APIP: variants seen among roughly 807,000 people sequenced by gnomAD.
APIP encodes the protein APAF1 interacting protein, also known as methylthioribulose-1-phosphate dehydratase.
In APIP, 32 loss-of-function variants were observed where a neutral mutation model predicts 32.0. The ratio of observed to expected loss-of-function variants is 1.00; its 90% CI spans 0.76 to 1.34. The LOEUF is 1.34. Among genes scored for constraint, APIP ranks in the 40% most tolerant of loss-of-function variants. APIP has a pLI of 0.00. For missense variants in APIP, 247 were observed against 298.6 expected (o/e 0.83, Z 1.27); for synonymous variants, 92 against 94.8 (o/e 0.97, Z 0.17).
chr11:34,900,359 C>G (rs1309331079), intron 1 of APIP, among the ~76,000 whole-genome samples: 1 of 151,496 alleles, frequency 6.6e-6, no homozygotes, highest in Non-Finnish European at 1.5e-5. Flanking sequence ...TCTAGCTCCA[C>G]CATTTCCAGT....
intron 5 of APIP, among the ~76,000 whole-genome samples, chr11:34,886,117 G>A (rs983600855): frequency 7.2e-5 from 11 of 151,956 alleles, no homozygotes; most frequent in South Asian, 2.1e-4. Context: ...AAGCAGCCTC[G>A]GGCAGGTCCT....
chr11:34,895,122 G>C lies in APIP; in HGVS notation c.58-12C>G, dbSNP rs763298096. On this transcript the variant is annotated splice_polypyrimidine_tract_variant and intron_variant, in intron 1 of 6. Coordinates refer to ENST00000395787, the MANE Select transcript of APIP (RefSeq NM_015957.4). ...GGATGCTCCTTGTCCTTAAAAAGAA[G>C]GTAATGATTTTTAAAACAGACATCA... is the stretch of plus-strand genomic sequence containing the variant. The C allele has an allele frequency of 7.5e-6, 12 of 1,602,740 alleles. No homozygotes were observed. In the East Asian group the frequency reaches 2.7e-4, roughly 36 times the overall value.
intron 2 of APIP, among the ~76,000 whole-genome samples, chr11:34,891,907 G>C (rs2133908575): frequency 6.6e-6 from 1 of 152,248 alleles, no homozygotes; most frequent in African/African-American, 2.4e-5. Context: ...ATGGTACATG[G>C]TCCACTCACC....
chr11:34,916,046 G>T, intron 1 of APIP, 182 bp downstream of exon 1: 1 of 750,320 alleles, frequency 1.3e-6, no homozygotes, highest in Non-Finnish European at 2.1e-6. Context: ...GATCTCCTGG[G>T]GCCTCGCAGC....
At chr11:34,885,299 A>G (rs954998366) in intron 5 of APIP, among the ~76,000 whole-genome samples, 1 of 150,294 alleles carries the variant, frequency 6.7e-6, no homozygotes, top group Non-Finnish European at 1.5e-5. Context: ...ATAAAGGTAT[A>G]TATATACACA....
rs757738924 is a variant in APIP at position 34,888,830 on chromosome 11, T to C, written c.247A>G (p.Ile83Val). The change falls in exon 4 of 7, where the codon ATA becomes GTA. Residue 83 changes from isoleucine to valine, a missense_variant. Physicochemically the swap from Ile to Val is conservative, Grantham distance 29 (BLOSUM62 3). Transcript: ENST00000395787. ...TTCTTCGATGGCGAAGGTCCACTTA[T>C]GTCCTTTTCATTTATATCACAAACA... ...MFVCDINEKD[I>V]SGPSPSKKLK... is the part of the protein sequence containing the mutation. 1.2e-5 allele frequency: 18 copies of C among 1,510,560 alleles called. No homozygotes were observed. Among genetic ancestry groups the C allele is most frequent in the Non-Finnish European group, 1.3e-5 (15 of 1,141,672 alleles). 93.6% of individuals were successfully genotyped at this position (1,510,560 alleles called of 1,614,324 possible). A position where few individuals can be genotyped will look rare whatever the true frequency, so the allele number is the denominator to read the frequency against.
chr11:34,890,746 G>C, intron 2 of APIP, 194 bp from the exon 3 acceptor site: 1 of 434,226 alleles, frequency 2.3e-6, no homozygotes, highest in South Asian at 4.0e-5. Context: ...TGGCATTGTA[G>C]AATATTAGTT....
At chr11:34,901,829 G>C (rs1195795170) in intron 1 of APIP, among the ~76,000 whole-genome samples, 1 of 152,138 alleles carries the variant, frequency 6.6e-6, no homozygotes, top group African/African-American at 2.4e-5. Context: ...TAACCACTAG[G>C]CCAGTCCAGA....
At chr11:34,912,677 A>G (rs1223906659) in intron 1 of APIP, among the ~76,000 whole-genome samples, 1 of 152,202 alleles carries the variant, frequency 6.6e-6, no homozygotes, top group African/African-American at 2.4e-5. Context: ...GGCCTAGCCT[A>G]CATCTTTCTC....
Position 34,896,774 on chromosome 11 carries a change from G to A in APIP, c.58-1664C>T, listed in dbSNP as rs753587968. On this transcript the variant is annotated intron_variant, in intron 1 of 6. Transcript: ENST00000395787. ...AAATGAGACTACCTGGGAGAGAAGT[G>A]AGCGCCAAAGCCAGAATGTTCCTGA... The A allele has an allele frequency of 3.9e-5, 50 of 1,283,956 alleles. No homozygotes were observed. The Middle Eastern group carries it at 1.1e-3, about 27-fold the overall frequency. The allele number at this position is 1,283,956 out of a possible 1,614,324, so 79.5% of individuals were successfully genotyped here. A position where few individuals can be genotyped will look rare whatever the true frequency, so the allele number is the denominator to read the frequency against.
At chr11:34,883,225 G>A in intron 6 of APIP, 112 bp downstream of exon 6, 1 of 1,150,296 alleles carries the variant, frequency 8.7e-7, no homozygotes, top group Non-Finnish European at 1.2e-6. Flanking sequence ...TAAAAATAAA[G>A]TATCTACAAA....
intron 6 of APIP, 82 bp from the exon 7 acceptor site, chr11:34,882,898 G>T: frequency 2.1e-6 from 2 of 975,468 alleles, no homozygotes; most frequent in Non-Finnish European, 1.6e-6. Context: ...CTCCTCTCTT[G>T]CAGTTAACTC....
intron 2 of APIP, among the ~76,000 whole-genome samples, chr11:34,892,281 A>C (rs193176483): frequency 6.6e-6 from 1 of 152,332 alleles, no homozygotes; most frequent in African/African-American, 2.4e-5. Context: ...GCTTTAAGCC[A>C]CAAACAGAAA....
At position 34,883,350 on chromosome 11, in the gene APIP, T is replaced by C. The variant is rs1253293566; in HGVS notation, c.616A>G (p.Lys206Glu). The C allele has an allele frequency of 6.2e-7, 1 of 1,610,164 alleles. No individual in the cohort carries two copies. Among genetic ancestry groups the C allele is most frequent in the Non-Finnish European group, 8.5e-7 (1 of 1,178,642 alleles). ...ATTTACACTCACATGGTTTTGGCCT[T>C]CTCCCATGTTTCCCCCCACACATAT... Reference protein sequence around the residue: ...GVYVWGETWEKAKTMCECYDY... With the variant: ...GVYVWGETWEEAKTMCECYDY... The change falls in exon 6 of 7, where the codon AAG becomes GAG. Residue 206 changes from lysine (K) to glutamate (E), a missense_variant. Physicochemically the swap from Lys to Glu is moderately conservative, Grantham distance 56. Transcript: ENST00000395787.
chr11:34,902,289 T>C (rs1853381684), intron 1 of APIP, among the ~76,000 whole-genome samples: 1 of 152,246 alleles, frequency 6.6e-6, no homozygotes. Flanking sequence ...GGACAGGCAC[T>C]GTCACAAGAC....
chr11:34,885,256 T>C (rs1853046909), intron 5 of APIP, among the ~76,000 whole-genome samples: 1 of 148,658 alleles, frequency 6.7e-6, no homozygotes, highest in South Asian at 2.1e-4. Flanking sequence ...ACTATACATA[T>C]ATAGGTGTAT....
chr11:34,909,197 C>G (rs1412427902), intron 1 of APIP, among the ~76,000 whole-genome samples: 8 of 152,040 alleles, frequency 5.3e-5, no homozygotes, highest in African/African-American at 1.9e-4. Context: ...GTGTGGTCAG[C>G]TGAGTAGCTG....
At chr11:34,897,767 A>G (rs1316617118) in intron 1 of APIP, among the ~76,000 whole-genome samples, 1 of 152,132 alleles carries the variant, frequency 6.6e-6, no homozygotes, top group African/African-American at 2.4e-5. Context: ...TCACGTGTGC[A>G]GAACATCATG....
rs770989795 is a variant in APIP, at chr11:34,883,381, A to C, written c.585T>G (p.His195Gln). The C allele has an allele frequency of 1.4e-5, 22 of 1,613,614 alleles. No individual in the cohort carries two copies. In the South Asian group the frequency reaches 2.2e-4, roughly 16 times the overall value. ...PDSCAVLVRRHGVYVWGETWE... is the reference protein window; with the variant it reads ...PDSCAVLVRRQGVYVWGETWE... ...ATGTTTCCCCCCACACATATACTCC[A>C]TGACGTCTGACCAGTACTGCACAGG... The change falls in exon 6 of 7, where the codon CAT becomes CAG. Residue 195 changes from histidine to glutamine, a missense_variant. By Grantham distance (24) the His-to-Gln change is conservative. Transcript: ENST00000395787.
Sources: gnomAD v4.1 joint callset for allele counts (sites outside exome capture counted in the v4.1 genomes callset) on GRCh38, gnomAD v4.1.1 for gene constraint, MANE v1.5 for transcripts, NCBI Gene and HGNC (gene_info 2026-07-23, HGNC 2026-07-21) for gene names.